Variants in HEMK2 observed in about 807,000 individuals in gnomAD.
The protein encoded by HEMK2 is HemK methyltransferase 2, ETF1 glutamine and histone H4 lysine, also known as methyltransferase HEMK2.
At chr21:28,589,156 G>A in the HEMK2 span, among the ~76,000 whole-genome samples, 1 of 152,104 alleles carries the variant, frequency 6.6e-6, no homozygotes. Context: ...TCAGGCTGTT[G>A]AGGAGAGAGG....
the HEMK2 span, among the ~76,000 whole-genome samples, chr21:28,762,742 C>T: frequency 1.3e-5 from 2 of 152,064 alleles, no homozygotes; most frequent in Non-Finnish European, 2.9e-5. Context: ...CATCTTTCCC[C>T]TTCTACCATG....
chr21:28,603,549 A>ATGTGTGTGTGTGTGTG, the HEMK2 span, among the ~76,000 whole-genome samples: 646 of 135,796 alleles, frequency 4.8e-3, 6 homozygotes, highest in East Asian at 0.024. Context: ...GAGGATATAT[A>ATGTGTGTGTGTGTGTG]TGTGTGTGTG....
chr21:28,881,846 C>A, the HEMK2 span, among the ~76,000 whole-genome samples: 1 of 152,082 alleles, frequency 6.6e-6, no homozygotes, highest in Non-Finnish European at 1.5e-5. Flanking sequence ...CTATATTGTA[C>A]AAGCTGGTCT....
At chr21:28,742,674 A>G in the HEMK2 span, among the ~76,000 whole-genome samples, 3 of 146,362 alleles carry the variant, frequency 2.0e-5, no homozygotes, top group Admixed American at 2.0e-4. Context: ...GCCCACTAAG[A>G]AAAAAAAAAG....
chr21:28,809,591 T>C, the HEMK2 span, among the ~76,000 whole-genome samples: 1 of 152,192 alleles, frequency 6.6e-6, no homozygotes, highest in Admixed American at 6.5e-5. Flanking sequence ...ACTAACTTCA[T>C]TTAAAATGCA....
At chr21:28,579,763 C>T in the HEMK2 span, among the ~76,000 whole-genome samples, 2 of 152,176 alleles carry the variant, frequency 1.3e-5, no homozygotes, top group South Asian at 4.2e-4. Flanking sequence ...GGATCCAATT[C>T]CTTGCTCAGC....
the HEMK2 span, among the ~76,000 whole-genome samples, chr21:28,706,572 G>T: frequency 6.6e-6 from 1 of 152,044 alleles, no homozygotes. Flanking sequence ...AAATATTGAG[G>T]CTTCTCTTTA....
At chr21:28,803,576 AG>A in the HEMK2 span, among the ~76,000 whole-genome samples, 1 of 152,174 alleles carries the variant, frequency 6.6e-6, no homozygotes, top group South Asian at 2.1e-4. Flanking sequence ...AAAATGCCAA[AG>A]AAGGAAATAT....
At chr21:28,849,480 T>C in the HEMK2 span, among the ~76,000 whole-genome samples, 1 of 152,158 alleles carries the variant, frequency 6.6e-6, no homozygotes, top group African/African-American at 2.4e-5. Context: ...TCTTCTCACC[T>C]CCAAATGTCT....
the HEMK2 span, among the ~76,000 whole-genome samples, chr21:28,863,860 C>A: frequency 6.6e-6 from 1 of 152,162 alleles, no homozygotes; most frequent in Admixed American, 6.5e-5. Context: ...CAGAGTCTTG[C>A]TCTGTCGCCC....
chr21:28,754,559 G>A, the HEMK2 span, among the ~76,000 whole-genome samples: 2 of 152,230 alleles, frequency 1.3e-5, no homozygotes, highest in African/African-American at 4.8e-5. Flanking sequence ...CGGAAATTCT[G>A]AGAGGCGTTC....
At chr21:28,631,704 A>T in the HEMK2 span, among the ~76,000 whole-genome samples, 2 of 152,172 alleles carry the variant, frequency 1.3e-5, no homozygotes, top group Non-Finnish European at 2.9e-5. Flanking sequence ...CTGATTAAAC[A>T]GTAAAGCCAT....
chr21:28,756,778 TTAACA>T, the HEMK2 span, among the ~76,000 whole-genome samples: 1 of 152,216 alleles, frequency 6.6e-6, no homozygotes, highest in Admixed American at 6.5e-5. Context: ...TGACATGAAA[TTAACA>T]TAAGAAACCA....
chr21:28,863,465 T>TATATACAC, the HEMK2 span, among the ~76,000 whole-genome samples: 1 of 85,596 alleles, frequency 1.2e-5, no homozygotes, highest in African/African-American at 5.3e-5. Flanking sequence ...TATATATATA[T>TATATACAC]ATATACTTCA....
the HEMK2 span, among the ~76,000 whole-genome samples, chr21:28,788,059 C>T: frequency 8.6e-5 from 13 of 151,340 alleles, no homozygotes; most frequent in African/African-American, 2.9e-4. Context: ...ACCAAAATAG[C>T]GTGGCACTGG....
At chr21:28,860,818 G>T in the HEMK2 span, among the ~76,000 whole-genome samples, 1 of 152,116 alleles carries the variant, frequency 6.6e-6, no homozygotes, top group African/African-American at 2.4e-5. Flanking sequence ...TTATTGATTT[G>T]GGCCCACCAA....
the HEMK2 span, chr21:28,883,160 T>C: frequency 1.2e-6 from 1 of 822,618 alleles, no homozygotes; most frequent in Non-Finnish European, 1.8e-6. Context: ...CTAGCATATA[T>C]ATTTCTCTAG....
At chr21:28,612,126 G>A in the HEMK2 span, among the ~76,000 whole-genome samples, 3 of 150,324 alleles carry the variant, frequency 2.0e-5, no homozygotes, top group Non-Finnish European at 4.4e-5. Context: ...AACAAGAAAA[G>A]GAAACTACAG....
At chr21:28,845,661 T>C in the HEMK2 span, among the ~76,000 whole-genome samples, 4 of 151,916 alleles carry the variant, frequency 2.6e-5, no homozygotes, top group African/African-American at 7.3e-5. Flanking sequence ...AAGTATTTTA[T>C]ATTTTTCCAA....
Sources: allele counts gnomAD v4.1 joint callset (sites outside exome capture counted in the v4.1 genomes callset), GRCh38; gene constraint gnomAD v4.1.1; transcripts MANE v1.5; gene names NCBI Gene and HGNC (gene_info 2026-07-23, HGNC 2026-07-21).